FHIT: variants seen among roughly 807,000 people sequenced by gnomAD.
FHIT encodes the protein fragile histidine triad diadenosine triphosphatase.
In FHIT, 19 loss-of-function variants were observed where a neutral mutation model predicts 17.9. That is an observed-to-expected ratio of 1.06 (90% CI 0.74 to 1.56). FHIT has a LOEUF of 1.56. Among genes scored for constraint, FHIT ranks in the 40% most tolerant of loss-of-function variants. The pLI, the probability that FHIT is intolerant of heterozygous loss-of-function variation, is 0.00. For synonymous variants in FHIT, 81 were observed against 69.7 expected (o/e 1.16, Z -0.81); for missense variants, 248 against 189.2 (o/e 1.31, Z -1.82).
At chr3:60,028,669 T>G (rs1700856288) in intron 5 of FHIT, among the ~76,000 whole-genome samples, 1 of 152,174 alleles carries the variant, frequency 6.6e-6, no homozygotes, top group Admixed American at 6.5e-5. Context: ...AAGTGCACTT[T>G]GAATCAAATG....
At chr3:59,946,921 T>C (rs903621236) in intron 7 of FHIT, among the ~76,000 whole-genome samples, 1 of 152,218 alleles carries the variant, frequency 6.6e-6, no homozygotes, top group Non-Finnish European at 1.5e-5. Context: ...TGCTAGTATT[T>C]GGTTGCGGAT....
intron 5 of FHIT, among the ~76,000 whole-genome samples, chr3:60,412,116 T>C (rs532473111): frequency 6.6e-6 from 1 of 152,222 alleles, no homozygotes; most frequent in Admixed American, 6.5e-5. Context: ...GGCACATACC[T>C]GTAGTCTCAA....
At chr3:60,477,694 C>T (rs896293036) in intron 5 of FHIT, among the ~76,000 whole-genome samples, 2 of 152,100 alleles carry the variant, frequency 1.3e-5, no homozygotes, top group African/African-American at 4.8e-5. Flanking sequence ...TGTAAACAAT[C>T]GGTATAGGCA....
At chr3:60,584,424 C>T (rs191374222) in intron 4 of FHIT, among the ~76,000 whole-genome samples, 42 of 152,000 alleles carry the variant, frequency 2.8e-4, no homozygotes, top group Middle Eastern at 3.4e-3. Context: ...GCTGCGGTGG[C>T]GGTGGCAGTA....
chr3:60,805,586 C>T (rs1260170107), intron 4 of FHIT, among the ~76,000 whole-genome samples: 2 of 151,896 alleles, frequency 1.3e-5, no homozygotes, highest in African/African-American at 2.4e-5. Flanking sequence ...GATGGAGTCT[C>T]GCTCTGTCAC....
chr3:60,634,610 T>C (rs1553683318), intron 4 of FHIT, among the ~76,000 whole-genome samples: 1 of 152,204 alleles, frequency 6.6e-6, no homozygotes, highest in Non-Finnish European at 1.5e-5. Context: ...GGCACCAGCA[T>C]TTTCTCTCCA....
chr3:60,090,816 G>A (rs545229003), intron 5 of FHIT, among the ~76,000 whole-genome samples: 5 of 152,328 alleles, frequency 3.3e-5, no homozygotes, highest in East Asian at 1.9e-4. Context: ...CTTCTTAGAA[G>A]CAAAGGGCCT....
chr3:60,454,473 C>T (rs575180200), intron 5 of FHIT, among the ~76,000 whole-genome samples: 2 of 151,982 alleles, frequency 1.3e-5, no homozygotes, highest in Admixed American at 1.3e-4. Context: ...CAACCTCCAC[C>T]TCCTGGGTTC....
intron 4 of FHIT, among the ~76,000 whole-genome samples, chr3:60,817,833 T>G (rs1553738184): frequency 6.6e-6 from 1 of 152,114 alleles, no homozygotes; most frequent in African/African-American, 2.4e-5. Context: ...TTTTGTTCTG[T>G]TTCATTCTCT....
chr3:60,364,191 C>T (rs552872095), intron 5 of FHIT, among the ~76,000 whole-genome samples: 1 of 152,316 alleles, frequency 6.6e-6, no homozygotes, highest in South Asian at 2.1e-4. Context: ...CTAGGAATAA[C>T]AAAATAATTG....
At chr3:59,957,235 C>A (rs1040392359) in intron 7 of FHIT, among the ~76,000 whole-genome samples, 6 of 152,150 alleles carry the variant, frequency 3.9e-5, no homozygotes, top group African/African-American at 1.4e-4. Context: ...CTAATTCAGT[C>A]TGTCTGGTGT....
At chr3:60,815,354 G>C (rs553364753) in intron 4 of FHIT, among the ~76,000 whole-genome samples, 16 of 152,128 alleles carry the variant, frequency 1.1e-4, no homozygotes, top group African/African-American at 3.9e-4. Flanking sequence ...TTTCCTCTAG[G>C]ATTCTCATAC....
intron 5 of FHIT, among the ~76,000 whole-genome samples, chr3:60,135,573 G>A (rs1446842071): frequency 2.0e-5 from 3 of 152,100 alleles, no homozygotes; most frequent in African/African-American, 7.2e-5. Context: ...TTGTTGAGAG[G>A]AGAAGAGGTT....
chr3:60,166,138 A>G (rs1701160961), intron 5 of FHIT, among the ~76,000 whole-genome samples: 1 of 151,802 alleles, frequency 6.6e-6, no homozygotes, highest in African/African-American at 2.4e-5. Flanking sequence ...AGTGGCTAAC[A>G]TTGGCTTGTT....
rs182555973 is a variant in FHIT, at chr3:59,768,844, T to A, written c.349-16523A>T. Among the ~76,000 whole-genome samples, 25 of 152,368 alleles carry A rather than the reference T, an allele frequency of 1.6e-4. No homozygotes were observed. The East Asian group carries it at 3.3e-3, about 20-fold the overall frequency. On this transcript the variant is annotated intron_variant, in intron 8 of 9. Coordinates refer to ENST00000492590, the MANE Select transcript of FHIT (RefSeq NM_002012.4). The stretch of plus-strand genomic sequence containing the variant: ...TAGTGAGGCAGGAACAGATACACAT[T>A]GTAAAAGAGATCCAGAACAAAATAA...
rs148132240 is a variant in FHIT at position 61,065,010 on chromosome 3, C to T, written c.-163-22911G>A. Reference sequence around the variant, plus strand: ...AAATTATGATTTCTGCATGCAAATCCAAATGACAGAGCAGAGAGTGTCCTG... The same window carrying T: ...AAATTATGATTTCTGCATGCAAATCTAAATGACAGAGCAGAGAGTGTCCTG... On this transcript the variant is annotated intron_variant, in intron 2 of 9. Transcript: ENST00000492590. Among the ~76,000 whole-genome samples, 27 of 152,184 alleles carry T rather than the reference C, an allele frequency of 1.8e-4. No individual in the cohort carries two copies. The East Asian group carries it at 4.1e-3, about 23-fold the overall frequency.
chr3:59,807,853 G>A (rs1399796758), intron 8 of FHIT, among the ~76,000 whole-genome samples: 1 of 152,300 alleles, frequency 6.6e-6, no homozygotes, highest in East Asian at 1.9e-4. Flanking sequence ...AACTTGTTTG[G>A]TTTCATGGAG....
rs960765240 is a variant in FHIT at position 60,432,768 on chromosome 3, C to G, written c.103+104092G>C. 2.6e-5 allele frequency among the ~76,000 whole-genome samples: 4 copies of G among 152,076 alleles called. No individual in the cohort carries two copies. In the South Asian group the frequency reaches 8.3e-4, roughly 32 times the overall value. On this transcript the variant is annotated intron_variant, in intron 5 of 9. Transcript: ENST00000492590. ...GTAAAATTAACATGTTGCCAACCTA[C>G]CAATGTGCTTTTCTTGGATGTTGTC...
At chr3:59,759,030 G>T (rs983258652) in intron 8 of FHIT, among the ~76,000 whole-genome samples, 3 of 152,082 alleles carry the variant, frequency 2.0e-5, no homozygotes, top group African/African-American at 7.2e-5. Flanking sequence ...TTTGGGTAGG[G>T]CAGGCTTTTA....
Sources: gnomAD v4.1 joint callset for allele counts (sites outside exome capture counted in the v4.1 genomes callset) on GRCh38, gnomAD v4.1.1 for gene constraint, MANE v1.5 for transcripts, NCBI Gene and HGNC (gene_info 2026-07-23, HGNC 2026-07-21) for gene names.